Variants in ZNF541 observed in about 807,000 individuals in gnomAD.
ZNF541 encodes the protein zinc finger protein 541.
A neutral mutation model predicts 123.5 loss-of-function variants in ZNF541; 23 were observed. That is an observed-to-expected ratio of 0.19 (90% CI 0.13 to 0.26). The LOEUF is 0.26. Ranked by LOEUF, ZNF541 falls within the 10% of genes least tolerant of loss-of-function variation. The pLI is 1.00. For missense variants in ZNF541, 1,612 were observed against 1,789.9 expected (o/e 0.90, Z 1.79); for synonymous variants, 751 against 754.5 (o/e 1.00, Z 0.08).
Position 47,533,105 on chromosome 19 carries a change from A to G in ZNF541, c.3095-133T>C, listed in dbSNP as rs1400521285. The G allele has an allele frequency of 8.8e-6, 6 of 680,398 alleles. No homozygotes were observed. In the African/African-American group the frequency reaches 1.1e-4, roughly 13 times the overall value. 42.1% of individuals were successfully genotyped at this position (680,398 alleles called of 1,614,324 possible). Reference sequence around the variant, plus strand: ...ATGGGTTGGCCGGGCACAGTGGTTCACGCCTGTAATCCCAGCACTTTGGGA... The same window carrying G: ...ATGGGTTGGCCGGGCACAGTGGTTCGCGCCTGTAATCCCAGCACTTTGGGA... On this transcript the variant is annotated intron_variant, in intron 9 of 16. Transcript: ENST00000391901.
intron 2 of ZNF541, among the ~76,000 whole-genome samples, chr19:47,569,544 C>T (rs1304403274): frequency 6.6e-6 from 1 of 152,014 alleles, no homozygotes; most frequent in Admixed American, 6.6e-5. Context: ...CACACTCGTG[C>T]CTACATTCTT....
At chr19:47,542,106 A>T (rs1433576972) in intron 5 of ZNF541, among the ~76,000 whole-genome samples, 1 of 152,202 alleles carries the variant, frequency 6.6e-6, no homozygotes, top group African/African-American at 2.4e-5. Flanking sequence ...GGAAAACGTC[A>T]TGCTGAGTGA....
rs1410132225 is a variant in ZNF541 at position 47,544,509 on chromosome 19, A to G, written c.2020T>C (p.Ser674Pro). The part of the protein sequence containing the change: ...SLDPSRNPDI[S>P]SLAKQLRSSK... ...GATCGCAGCTGCTTGGCCAGAGAAGAGATGTCTGGATTCCTGGAAGGGTCC... is the reference window on the plus strand; with the variant it reads ...GATCGCAGCTGCTTGGCCAGAGAAGGGATGTCTGGATTCCTGGAAGGGTCC... Residue 674 changes from serine (S) to proline (P), a missense_variant, in exon 5 of 17, where the codon TCT becomes CCT. Physicochemically the swap from Ser to Pro is moderately conservative, Grantham distance 74. Around this residue, in one of 5 missense-constraint regions of ZNF541, gnomAD observed 1,080 missense variants for 1,013.8 expected, o/e 1.07. Transcript: ENST00000391901. 1 of 1,551,446 alleles carries G rather than the reference A, an allele frequency of 6.4e-7. No individual in the cohort carries two copies. The highest frequency in any genetic ancestry group is 8.7e-7 in the Non-Finnish European group (1 of 1,146,988).
Position 47,545,180 on chromosome 19 carries a change from C to T in ZNF541, c.1349G>A (p.Gly450Glu). The change falls in exon 5 of 17, where the codon GGA (glycine) becomes GAA (glutamate). Residue 450 changes from glycine to glutamate, a missense_variant. Around this residue, in one of 5 missense-constraint regions of ZNF541, gnomAD observed 1,080 missense variants for 1,013.8 expected, o/e 1.07. Transcript: ENST00000391901. The surrounding 1 kb of genome is among the most constrained non-coding windows in gnomAD (Gnocchi z 7.5). ...CTCCGAGGGGCTTCCGCTGCTGGGT[C>T]CCGGGCCAGACTCGGAGCCCTCCCG... ...PSREGSESGPGPSSGSPSEES... is the reference protein window; with the variant it reads ...PSREGSESGPEPSSGSPSEES... 1.3e-6 allele frequency: 2 copies of T among 1,509,422 alleles called. No homozygotes were observed. Among genetic ancestry groups the T allele is most frequent in the Non-Finnish European group, 1.8e-6 (2 of 1,126,952 alleles). 93.5% of individuals were successfully genotyped at this position (1,509,422 alleles called of 1,614,324 possible). A position where few individuals can be genotyped will look rare whatever the true frequency, so the allele number is the denominator to read the frequency against.
At chr19:47,550,948 C>G (rs1487501974) in intron 3 of ZNF541, among the ~76,000 whole-genome samples, 2 of 152,144 alleles carry the variant, frequency 1.3e-5, no homozygotes, top group African/African-American at 4.8e-5. Context: ...CCCATTCTGG[C>G]ACTCACAGGC....
rs1969601352 is a variant in ZNF541, at chr19:47,532,123, G to A, written c.3301+5C>T. ...TTAGGAATTTAGCCCCAAAGCCTCAGCCACCTCTATCCTGTGTCTCTGAGC... is the reference window on the plus strand; with the variant it reads ...TTAGGAATTTAGCCCCAAAGCCTCAACCACCTCTATCCTGTGTCTCTGAGC... On this transcript the variant is annotated splice_donor_5th_base_variant and intron_variant, in intron 11 of 16. Coordinates refer to ENST00000391901, the MANE Select transcript of ZNF541 (RefSeq NM_001277075.3). 1.9e-6 allele frequency: 3 copies of A among 1,551,010 alleles called. No individual in the cohort carries two copies. Among genetic ancestry groups the A allele is most frequent in the Non-Finnish European group, 2.6e-6 (3 of 1,146,670 alleles).
intron 2 of ZNF541, among the ~76,000 whole-genome samples, chr19:47,563,207 A>G (rs1221334001): frequency 6.6e-6 from 1 of 152,216 alleles, no homozygotes; most frequent in African/African-American, 2.4e-5. Flanking sequence ...CTGAGACCCA[A>G]CTGAGTTTCA....
chr19:47,535,368 A>T (rs1056495275), intron 9 of ZNF541, among the ~76,000 whole-genome samples: 3 of 152,224 alleles, frequency 2.0e-5, no homozygotes, highest in Non-Finnish European at 2.9e-5. Flanking sequence ...ATTGGGCTTC[A>T]TGAAAATTAG....
chr19:47,559,769 G>A (rs1448207974), intron 2 of ZNF541, among the ~76,000 whole-genome samples: 7 of 149,516 alleles, frequency 4.7e-5, no homozygotes, highest in East Asian at 4.0e-4. Flanking sequence ...AGGATCGCTC[G>A]AACCCAGGAA....
intron 9 of ZNF541, among the ~76,000 whole-genome samples, chr19:47,534,029 A>T (rs1033411287): frequency 6.6e-6 from 1 of 152,182 alleles, no homozygotes; most frequent in African/African-American, 2.4e-5. Flanking sequence ...GTATAATGAC[A>T]ATTTCTCATC....
rs559304284 is a variant in ZNF541, at chr19:47,521,766, C to A, written c.3711+88G>T. The A allele has an allele frequency of 2.0e-6, 3 of 1,524,376 alleles. No individual in the cohort carries two copies. Among genetic ancestry groups the A allele is most frequent in the Non-Finnish European group, 2.7e-6 (3 of 1,131,570 alleles). 94.4% of individuals were successfully genotyped at this position (1,524,376 alleles called of 1,614,324 possible). On this transcript the variant is annotated intron_variant, in intron 15 of 16. Transcript: ENST00000391901. The surrounding 1 kb of genome is among the most constrained non-coding windows in gnomAD (Gnocchi z 4.2). ...AGGAAAACCCTTCCATCAGGAGCAC[C>A]CCCGCCCTCTGACCCCACCGTCCAA...
intron 2 of ZNF541, among the ~76,000 whole-genome samples, chr19:47,557,209 C>T (rs1970860025): frequency 6.6e-6 from 1 of 152,024 alleles, no homozygotes; most frequent in Non-Finnish European, 1.5e-5. Flanking sequence ...CCGTCTGGGA[C>T]CTGGGATGAT....
At chr19:47,531,370 G>A (rs1361588259) in intron 12 of ZNF541, among the ~76,000 whole-genome samples, 1 of 151,850 alleles carries the variant, frequency 6.6e-6, no homozygotes, top group East Asian at 1.9e-4. Flanking sequence ...GGGTCTTTGG[G>A]GCTTCCCTTC....
intron 5 of ZNF541, among the ~76,000 whole-genome samples, 180 bp from the exon 6 acceptor site, chr19:47,541,131 C>T (rs1970062538): frequency 6.6e-6 from 1 of 152,128 alleles, no homozygotes; most frequent in African/African-American, 2.4e-5. Flanking sequence ...AAATGTAAAA[C>T]TTTTAGCCAG....
intron 4 of ZNF541, 74 bp from the exon 5 acceptor site, chr19:47,546,054 C>T (rs1056023325): frequency 6.0e-6 from 8 of 1,326,770 alleles, no homozygotes; most frequent in African/African-American, 6.0e-5. Context: ...CCCTGGTGGC[C>T]CCCAAAAGTC....
intron 2 of ZNF541, among the ~76,000 whole-genome samples, chr19:47,556,661 T>TA (rs1161063900): frequency 1.3e-5 from 2 of 152,024 alleles, no homozygotes; most frequent in African/African-American, 4.8e-5. Flanking sequence ...GCTGTGAGTG[T>TA]AAAATACAAC....
chr19:47,544,038 C>CT, intron 5 of ZNF541, 88 bp downstream of exon 5: 1 of 1,416,594 alleles, frequency 7.1e-7, no homozygotes, highest in Non-Finnish European at 9.3e-7. Context: ...TGGGGACTCT[C>CT]TGAAATGAAA....
At chr19:47,560,987 A>G (rs1971038804) in intron 2 of ZNF541, among the ~76,000 whole-genome samples, 1 of 152,246 alleles carries the variant, frequency 6.6e-6, no homozygotes, top group African/African-American at 2.4e-5. Flanking sequence ...ACCGAAAAAA[A>G]AGAAAGACAA....
intron 2 of ZNF541, among the ~76,000 whole-genome samples, chr19:47,562,695 T>C (rs1383305665): frequency 6.6e-6 from 1 of 152,210 alleles, no homozygotes; most frequent in African/African-American, 2.4e-5. Flanking sequence ...CCCCTTCAGA[T>C]GGCCATCTGT....
Sources: allele counts gnomAD v4.1 joint callset (sites outside exome capture counted in the v4.1 genomes callset), GRCh38; gene constraint gnomAD v4.1.1; regional missense constraint gnomAD v4.1.1; non-coding constraint Gnocchi (gnomAD v3.1); transcripts MANE v1.5; gene names NCBI Gene and HGNC (gene_info 2026-07-23, HGNC 2026-07-21).